FOXP2: variants seen among roughly 807,000 people sequenced by gnomAD.
FOXP2 encodes the protein forkhead box protein P2.
FOXP2 carries 12 observed loss-of-function variants against 115.8 expected under a neutral mutation model. The ratio of observed to expected loss-of-function variants is 0.10; its 90% confidence interval spans 0.07 to 0.17. FOXP2 has a LOEUF of 0.17. Among genes scored for constraint, FOXP2 ranks in the 10% least tolerant of loss-of-function variants. The pLI, the probability that FOXP2 is intolerant of heterozygous loss-of-function variation, is 1.00. For synonymous variants in FOXP2, 328 were observed against 297.7 expected (o/e 1.10, Z -1.05); for missense variants, 629 against 843.5 (o/e 0.75, Z 3.15).
At chr7:114,241,284 T>C (rs1795144758) in intron 1 of FOXP2, among the ~76,000 whole-genome samples, 1 of 152,112 alleles carries the variant, frequency 6.6e-6, no homozygotes, top group Non-Finnish European at 1.5e-5. Context: ...TCTTTTTGTA[T>C]GCTCATTCAG....
At chr7:114,554,267 C>T (rs1800351199) in intron 3 of FOXP2, among the ~76,000 whole-genome samples, 1 of 152,070 alleles carries the variant, frequency 6.6e-6, no homozygotes, top group Non-Finnish European at 1.5e-5. Context: ...TATGATTTGT[C>T]TTGCAGCTGC....
chr7:114,210,889 C>T (rs1041934620), intron 1 of FOXP2, among the ~76,000 whole-genome samples: 15 of 152,144 alleles, frequency 9.9e-5, no homozygotes, highest in Non-Finnish European at 2.2e-4. Context: ...GGAAATCGAT[C>T]GGGGTCCCAC....
At chr7:114,145,227 G>A (rs896181340) in intron 1 of FOXP2, among the ~76,000 whole-genome samples, 7 of 152,044 alleles carry the variant, frequency 4.6e-5, no homozygotes, top group African/African-American at 1.4e-4. Flanking sequence ...TTTATAAACT[G>A]AAGTTTATCT....
intron 1 of FOXP2, among the ~76,000 whole-genome samples, chr7:114,135,292 AT>A (rs935542791): frequency 2.0e-5 from 3 of 152,056 alleles, no homozygotes; most frequent in African/African-American, 7.2e-5. Flanking sequence ...TTTTAGTGCC[AT>A]TTTTTTCAAG....
At chr7:114,463,965 A>G (rs934911641) in intron 2 of FOXP2, among the ~76,000 whole-genome samples, 1 of 152,134 alleles carries the variant, frequency 6.6e-6, no homozygotes. Context: ...ATTTTTTTTT[A>G]AATCAGAAAG....
At chr7:114,625,583 G>T (rs1408682100) in intron 3 of FOXP2, among the ~76,000 whole-genome samples, 2 of 151,644 alleles carry the variant, frequency 1.3e-5, no homozygotes, top group Non-Finnish European at 3.0e-5. Context: ...TGAATACCTA[G>T]AGTAGCTTGT....
At chr7:114,523,439 A>C (rs964216782) in intron 2 of FOXP2, among the ~76,000 whole-genome samples, 1 of 152,052 alleles carries the variant, frequency 6.6e-6, no homozygotes, top group Non-Finnish European at 1.5e-5. Context: ...AGCCTCGGTG[A>C]CATATGCAGA....
intron 2 of FOXP2, among the ~76,000 whole-genome samples, chr7:114,467,938 C>CTT (rs1169419119): frequency 2.0e-5 from 3 of 152,006 alleles, no homozygotes; most frequent in African/African-American, 7.2e-5. Context: ...TTTAGACTCT[C>CTT]TTTTTTTGCC....
intron 2 of FOXP2, among the ~76,000 whole-genome samples, chr7:114,353,781 C>T (rs1791552092): frequency 6.6e-6 from 1 of 152,102 alleles, no homozygotes; most frequent in Non-Finnish European, 1.5e-5. Flanking sequence ...AATTACGATA[C>T]TGGTGCATAG....
chr7:114,645,516 T>G (rs2129334933), intron 8 of FOXP2: 1 of 152,170 alleles, frequency 6.6e-6, no homozygotes, highest in South Asian at 2.1e-4. Context: ...TCATGAAATG[T>G]TTTCCTTACA....
intron 2 of FOXP2, among the ~76,000 whole-genome samples, chr7:114,493,482 A>G (rs539583305): frequency 1.3e-5 from 2 of 152,234 alleles, no homozygotes; most frequent in African/African-American, 4.8e-5. Flanking sequence ...TGAAGACAGG[A>G]GGTATATGAA....
intron 3 of FOXP2, among the ~76,000 whole-genome samples, chr7:114,590,864 A>G (rs1802406898): frequency 6.6e-6 from 1 of 152,210 alleles, no homozygotes; most frequent in East Asian, 1.9e-4. Context: ...CAACTCAGGT[A>G]CAATTAATTT....
intron 2 of FOXP2, among the ~76,000 whole-genome samples, chr7:114,311,332 C>G (rs1797143244): frequency 6.6e-6 from 1 of 152,156 alleles, no homozygotes; most frequent in Non-Finnish European, 1.5e-5. Flanking sequence ...ATAACTGTTT[C>G]CTGCTGACAA....
chr7:114,249,333 G>A lies in FOXP2; in HGVS notation c.-101-38686G>A, dbSNP rs144553015. Among the ~76,000 whole-genome samples the A allele has an allele frequency of 3.9e-3, 601 of 152,200 alleles. 26 individuals are homozygous for A. Among genetic ancestry groups the A allele is most frequent in the Admixed American group, 0.037 (562 of 15,288 alleles). ...ATCACCCAGATATTATGCCCAACATGCATTAGCTGTTTTTCCTGATGCTCT... is the reference window on the plus strand; with the variant it reads ...ATCACCCAGATATTATGCCCAACATACATTAGCTGTTTTTCCTGATGCTCT... On this transcript the variant is annotated intron_variant, in intron 1 of 17. Transcript: ENST00000634411.
chr7:114,613,909 C>T (rs1584952359), intron 3 of FOXP2: 1 of 152,062 alleles, frequency 6.6e-6, no homozygotes. Flanking sequence ...CCATAGATTC[C>T]TCATTTATTT....
chr7:114,431,881 C>T (rs1178008829), intron 2 of FOXP2, among the ~76,000 whole-genome samples: 1 of 151,726 alleles, frequency 6.6e-6, no homozygotes, highest in Non-Finnish European at 1.5e-5. Context: ...TTAAATAATA[C>T]AGTTCAATAT....
intron 11 of FOXP2, 65 bp downstream of exon 11, chr7:114,658,332 T>C: frequency 6.7e-7 from 1 of 1,490,726 alleles, no homozygotes; most frequent in Non-Finnish European, 9.3e-7. Flanking sequence ...CTGAATCAAC[T>C]GTACATGAGC....
At chr7:114,540,776 T>C (rs554126400) in intron 3 of FOXP2, among the ~76,000 whole-genome samples, 1 of 152,082 alleles carries the variant, frequency 6.6e-6, no homozygotes, top group Non-Finnish European at 1.5e-5. Context: ...TCATCAAAGA[T>C]GTAGACATAG....
intron 2 of FOXP2, among the ~76,000 whole-genome samples, chr7:114,373,370 T>A (rs1562891893): frequency 6.6e-6 from 1 of 152,128 alleles, no homozygotes; most frequent in Non-Finnish European, 1.5e-5. Flanking sequence ...AGAGCAGCTG[T>A]GGATTTACGT....
Sources: gnomAD v4.1 joint callset for allele counts (sites outside exome capture counted in the v4.1 genomes callset) on GRCh38, gnomAD v4.1.1 for gene constraint, MANE v1.5 for transcripts, NCBI Gene and HGNC (gene_info 2026-07-23, HGNC 2026-07-21) for gene names.